Variants in DNAJA4 observed in about 807,000 individuals in gnomAD.
The protein encoded by DNAJA4 is dnaJ homolog subfamily A member 4.
A neutral mutation model predicts 39.7 loss-of-function variants in DNAJA4; 32 were observed. That is an observed-to-expected ratio of 0.81 (90% CI 0.61 to 1.08). The LOEUF is 1.08. Among genes scored for constraint, DNAJA4 ranks in the 50% least tolerant of loss-of-function variants. The pLI, the probability that DNAJA4 is intolerant of heterozygous loss-of-function variation, is 0.00. For synonymous variants in DNAJA4, 184 were observed against 182.4 expected, an observed-to-expected ratio of 1.01 and a Z score of -0.07; for missense variants, 439 against 505.1, an observed-to-expected ratio of 0.87 and a Z score of 1.25.
At chr15:78,275,798 G>A (rs963715518) in intron 5 of DNAJA4, 70 bp downstream of exon 5, 1 of 1,096,530 alleles carries the variant, frequency 9.1e-7, no homozygotes, top group African/African-American at 1.6e-5. Flanking sequence ...AAGTTAGCCT[G>A]ATTTTTTTAT....
rs2049067686 is a variant in DNAJA4 at position 78,264,666 on chromosome 15, G to T, written c.-98G>T. The T allele has an allele frequency of 3.0e-6, 3 of 1,016,682 alleles. No homozygotes were observed. Among genetic ancestry groups the T allele is most frequent in the Non-Finnish European group, 3.5e-6 (3 of 849,418 alleles). 63.0% of individuals were successfully genotyped at this position (1,016,682 alleles called of 1,614,324 possible). A position where few individuals can be genotyped will look rare whatever the true frequency, so the allele number is the denominator to read the frequency against. On this transcript the variant is annotated 5_prime_UTR_variant, in exon 1 of 7. Transcript: ENST00000394852. ...GCGACCGTGACCGTGACGCGCGAGC[G>T]GGCGGCGGGGGCGCGGGCCAGGGGC...
At chr15:78,278,771 C>T (rs56186834) in intron 5 of DNAJA4, among the ~76,000 whole-genome samples, 41,820 of 150,702 alleles carry the variant, frequency 0.28, 5,864 homozygotes, top group African/African-American at 0.32. Flanking sequence ...CCTGCCTCAG[C>T]CTCCCAAGTA....
Position 78,280,687 on chromosome 15 carries a change from T to A in DNAJA4, c.*227T>A. On this transcript the variant is annotated 3_prime_UTR_variant, in exon 7 of 7. Transcript: ENST00000394852. ...GTATAAATCACCTCTAGTCTGCATA[T>A]GGAATCTGTTCATTTCTATTTTCAG... The A allele has an allele frequency of 4.2e-6, 2 of 481,708 alleles. No individual in the cohort carries two copies. Among genetic ancestry groups the A allele is most frequent in the South Asian group, 6.6e-5 (2 of 30,394 alleles). 29.8% of individuals were successfully genotyped at this position (481,708 alleles called of 1,614,324 possible).
chr15:78,281,193 T>C lies in DNAJA4; in HGVS notation c.*733T>C, dbSNP rs2049644587. 6.6e-6 allele frequency: 1 copy of C among 152,628 alleles called. No homozygotes were observed. Among genetic ancestry groups the C allele is most frequent in the Non-Finnish European group, 1.5e-5 (1 of 68,044 alleles). 9.5% of individuals were successfully genotyped at this position (152,628 alleles called of 1,614,324 possible). ...ACCCTCACACCTTGTTCTTCAGGGT[T>C]TTAATGATTTTCTGTTGACAACTTT... On this transcript the variant is annotated 3_prime_UTR_variant, in exon 7 of 7. Transcript: ENST00000394852.
intron 4 of DNAJA4, chr15:78,275,228 T>G (rs967819): frequency 0.99 from 432,274 of 438,526 alleles, 213,305 homozygotes; most frequent in East Asian, 1. Context: ...TCACAGGCCC[T>G]GGGCAGGGAG....
chr15:78,264,236 A>C, upstream of DNAJA4: 1 of 1,077,338 alleles, frequency 9.3e-7, no homozygotes, highest in Non-Finnish European at 1.2e-6. Context: ...ACGGAAGGGC[A>C]AGGGGGCGGC....
intron 1 of DNAJA4, among the ~76,000 whole-genome samples, chr15:78,269,724 G>GT (rs986602401): frequency 2.0e-5 from 3 of 150,770 alleles, no homozygotes; most frequent in African/African-American, 7.3e-5. Context: ...TTTCTCCCCT[G>GT]TGCAGGATCT....
Position 78,282,176 on chromosome 15 carries a change from T to C in DNAJA4, c.*1716T>C, listed in dbSNP as rs1448360810. The C allele has an allele frequency of 1.3e-5, 2 of 152,148 alleles. No homozygotes were observed. The highest frequency in any genetic ancestry group is 2.9e-5 in the Non-Finnish European group (2 of 68,034). The allele number at this position is 152,148 out of a possible 1,614,324, so 9.4% of individuals were successfully genotyped here. A position where few individuals can be genotyped will look rare whatever the true frequency, so the allele number is the denominator to read the frequency against. ...TACATTTGTCACTTTAAAATTAAAATTGAGCTGGTATGAGAGATAAGTGGC... is the reference window on the plus strand; with the variant it reads ...TACATTTGTCACTTTAAAATTAAAACTGAGCTGGTATGAGAGATAAGTGGC... On this transcript the variant is annotated 3_prime_UTR_variant, in exon 7 of 7. Transcript: ENST00000394852.
intron 2 of DNAJA4, among the ~76,000 whole-genome samples, 190 bp downstream of exon 2, chr15:78,270,867 G>A (rs567863052): frequency 1.3e-5 from 2 of 152,038 alleles, no homozygotes; most frequent in African/African-American, 4.8e-5. Context: ...AGACCAACCG[G>A]GGCAACATAG....
At position 78,280,477 on chromosome 15, in the gene DNAJA4, G is replaced by A. The variant is rs768176278; in HGVS notation, c.*17G>A. On this transcript the variant is annotated 3_prime_UTR_variant, in exon 7 of 7. Coordinates refer to ENST00000394852, the MANE Select transcript of DNAJA4 (RefSeq NM_001130182.2). Reference sequence around the variant, plus strand: ...ACGGCATGACGTGGTGCGGGGCAGCGTGGCCCCACCGGACTAGCACATGAT... The same window carrying A: ...ACGGCATGACGTGGTGCGGGGCAGCATGGCCCCACCGGACTAGCACATGAT... 7.5e-6 allele frequency: 12 copies of A among 1,590,902 alleles called. No homozygotes were observed. Among genetic ancestry groups the A allele is most frequent in the South Asian group, 2.2e-5 (2 of 89,270 alleles).
intron 1 of DNAJA4, among the ~76,000 whole-genome samples, chr15:78,267,270 T>C (rs1461090085): frequency 1.3e-5 from 2 of 151,896 alleles, no homozygotes; most frequent in Non-Finnish European, 2.9e-5. Flanking sequence ...TTTTTTTTCC[T>C]CCTAAGTTCG....
intron 6 of DNAJA4, 30 bp downstream of exon 6, chr15:78,280,175 C>T (rs1206197679): frequency 1.9e-6 from 3 of 1,611,258 alleles, no homozygotes; most frequent in Non-Finnish European, 2.5e-6. Flanking sequence ...TTGTCATGGA[C>T]ATATTATTAA....
intron 1 of DNAJA4, among the ~76,000 whole-genome samples, chr15:78,267,145 T>TGTATGTGA (rs548713035): frequency 0.46 from 43,268 of 94,744 alleles, 6,593 homozygotes; most frequent in East Asian, 0.58. Context: ...TATGTGAGTG[T>TGTATGTGA]GTGTGTGAGT....
Position 78,265,837 on chromosome 15 carries a change from G to A in DNAJA4, c.132+942G>A, listed in dbSNP as rs570056094. ...CTGATAGCAGTGTCACTTGGGCCAC[G>A]TTTGAAACCACACCAATCACCCATG... On this transcript the variant is annotated intron_variant, in intron 1 of 6. Coordinates refer to ENST00000394852, the MANE Select transcript of DNAJA4 (RefSeq NM_001130182.2). 1.6e-5 allele frequency: 10 copies of A among 607,818 alleles called. No homozygotes were observed. In the East Asian group the frequency reaches 2.5e-4, roughly 15 times the overall value. 37.7% of individuals were successfully genotyped at this position (607,818 alleles called of 1,614,324 possible).
intron 1 of DNAJA4, chr15:78,270,291 C>T (rs1370576373): frequency 1.9e-6 from 1 of 534,026 alleles, no homozygotes; most frequent in East Asian, 3.1e-5. Flanking sequence ...ACCACCAGTC[C>T]CTTAATATGT....
At chr15:78,266,234 G>A (rs1407156349) in intron 1 of DNAJA4, 7 of 1,613,546 alleles carry the variant, frequency 4.3e-6, no homozygotes, top group Non-Finnish European at 5.1e-6. Flanking sequence ...CAGCAAGCTG[G>A]CTAAAGACAT....
intron 1 of DNAJA4, among the ~76,000 whole-genome samples, chr15:78,265,110 C>T (rs1048673673): frequency 3.3e-5 from 5 of 152,200 alleles, no homozygotes; most frequent in African/African-American, 1.2e-4. Context: ...GCATGTGGTG[C>T]GGCACTTGGG....
intron 4 of DNAJA4, 116 bp from the exon 5 acceptor site, chr15:78,275,382 G>T (rs986495587): frequency 1.2e-6 from 1 of 826,366 alleles, no homozygotes; most frequent in African/African-American, 1.7e-5. Context: ...CCTGCATGAG[G>T]TTGGGAGACT....
upstream of DNAJA4, chr15:78,264,558 C>A (rs1303699367): frequency 8.2e-7 from 1 of 1,217,870 alleles, no homozygotes; most frequent in African/African-American, 1.6e-5. Flanking sequence ...GAGCCGGTGG[C>A]TCTAGTGCGG....
Sources: allele counts gnomAD v4.1 joint callset (sites outside exome capture counted in the v4.1 genomes callset), GRCh38; gene constraint gnomAD v4.1.1; transcripts MANE v1.5; gene names NCBI Gene and HGNC (gene_info 2026-07-23, HGNC 2026-07-21).